RPRD1A: variants seen among roughly 807,000 people sequenced by gnomAD.
The protein encoded by RPRD1A is regulation of nuclear pre-mRNA domain containing 1A, also known as regulation of nuclear pre-mRNA domain-containing protein 1A.
In RPRD1A, 9 loss-of-function variants were observed where a neutral mutation model predicts 37.8. The observed-to-expected ratio is 0.24, with a 90% confidence interval of 0.14 to 0.42. The LOEUF is 0.42. Among genes scored for constraint, RPRD1A ranks in the 10% least tolerant of loss-of-function variants. RPRD1A has a pLI of 1.00. For synonymous variants in RPRD1A, 138 were observed against 139.7 expected, an observed-to-expected ratio of 0.99 and a Z score of 0.08; for missense variants, 255 against 371.0, an observed-to-expected ratio of 0.69 and a Z score of 2.57.
At chr18:36,055,422 C>G (rs888902145) in intron 1 of RPRD1A, among the ~76,000 whole-genome samples, 9 of 152,040 alleles carry the variant, frequency 5.9e-5, no homozygotes, top group African/African-American at 1.9e-4. Context: ...TTAGCCTGTA[C>G]GAGAATCAAG....
At chr18:36,065,507 G>A (rs566902043) in intron 1 of RPRD1A, among the ~76,000 whole-genome samples, 1 of 152,178 alleles carries the variant, frequency 6.6e-6, no homozygotes, top group East Asian at 1.9e-4. Context: ...TGTTGCACAG[G>A]CAGGGTCTCA....
At chr18:35,998,499 C>G (rs934769752) in intron 6 of RPRD1A, among the ~76,000 whole-genome samples, 1 of 152,198 alleles carries the variant, frequency 6.6e-6, no homozygotes, top group Non-Finnish European at 1.5e-5. Flanking sequence ...CCGTTTTCCT[C>G]ATTCAACAAG....
At chr18:36,061,293 T>G (rs897145486) in intron 1 of RPRD1A, among the ~76,000 whole-genome samples, 2 of 152,242 alleles carry the variant, frequency 1.3e-5, no homozygotes, top group African/African-American at 4.8e-5. Flanking sequence ...TCCCTTTGTT[T>G]TCTTTACCAT....
intron 4 of RPRD1A, 22 bp downstream of exon 4, chr18:36,030,784 CTT>C: frequency 2.0e-6 from 3 of 1,465,048 alleles, no homozygotes; most frequent in Non-Finnish European, 2.8e-6. Flanking sequence ...GTTTGTAACT[CTT>C]TTAACAGGGT....
chr18:36,043,240 A>AT (rs1312132897), intron 1 of RPRD1A, among the ~76,000 whole-genome samples: 1 of 151,258 alleles, frequency 6.6e-6, no homozygotes, highest in African/African-American at 2.4e-5. Context: ...GAATTAAGTT[A>AT]TAAAAGAGAA....
Position 35,990,885 on chromosome 18 carries a change from T to C in RPRD1A, c.*2266A>G, listed in dbSNP as rs998962145. Reference sequence around the variant, plus strand: ...ATGACTTCTAAATCAGACTGTATTGTCTGTGTTCAGTTAATACGTTAACCA... The same window carrying C: ...ATGACTTCTAAATCAGACTGTATTGCCTGTGTTCAGTTAATACGTTAACCA... On this transcript the variant is annotated 3_prime_UTR_variant, in exon 7 of 7. Coordinates refer to ENST00000399022, the MANE Select transcript of RPRD1A (RefSeq NM_018170.5). 2.0e-5 allele frequency: 3 copies of C among 152,232 alleles called. No homozygotes were observed. Among genetic ancestry groups the C allele is most frequent in the Non-Finnish European group, 4.4e-5 (3 of 68,040 alleles). The allele number at this position is 152,232 out of a possible 1,614,324, so 9.4% of individuals were successfully genotyped here.
intron 6 of RPRD1A, among the ~76,000 whole-genome samples, chr18:36,014,524 G>A (rs1171978058): frequency 6.6e-6 from 1 of 152,210 alleles, no homozygotes; most frequent in Admixed American, 6.5e-5. Flanking sequence ...GGATCACGAG[G>A]TCAGGAGATC....
intron 1 of RPRD1A, chr18:36,063,146 T>C (rs1313637149): frequency 2.0e-5 from 3 of 152,200 alleles, no homozygotes; most frequent in Non-Finnish European, 2.9e-5. Context: ...GCTACCATTA[T>C]CTAACATATA....
chr18:35,997,074 C>T (rs1014164599), intron 6 of RPRD1A, among the ~76,000 whole-genome samples: 25 of 145,016 alleles, frequency 1.7e-4, no homozygotes, highest in African/African-American at 6.2e-4. Flanking sequence ...TTATTTTAAA[C>T]TATATAGAAT....
At chr18:36,031,265 T>C (rs1911770029) in intron 2 of RPRD1A, among the ~76,000 whole-genome samples, 168 bp from the exon 3 acceptor site, 1 of 152,212 alleles carries the variant, frequency 6.6e-6, no homozygotes, top group South Asian at 2.1e-4. Context: ...AAAAGTGAAG[T>C]GATCTAGACA....
intron 6 of RPRD1A, among the ~76,000 whole-genome samples, chr18:35,994,424 ACAT>A (rs1908900719): frequency 2.0e-5 from 3 of 152,252 alleles, no homozygotes; most frequent in African/African-American, 2.4e-5. Context: ...TTTAAAAACT[ACAT>A]TATATGTAAA....
intron 1 of RPRD1A, among the ~76,000 whole-genome samples, chr18:36,055,698 G>C (rs944475564): frequency 5.9e-5 from 9 of 152,046 alleles, no homozygotes; most frequent in Non-Finnish European, 1.0e-4. Context: ...ATTGATTCTA[G>C]AATTTATATA....
intron 1 of RPRD1A, among the ~76,000 whole-genome samples, chr18:36,057,733 C>T (rs1913894128): frequency 6.6e-6 from 1 of 152,204 alleles, no homozygotes; most frequent in South Asian, 2.1e-4. Context: ...CTACATAACA[C>T]CACATTCAAA....
At chr18:36,034,985 C>G (rs1046353336) in intron 1 of RPRD1A, among the ~76,000 whole-genome samples, 2 of 152,160 alleles carry the variant, frequency 1.3e-5, no homozygotes, top group Non-Finnish European at 2.9e-5. Flanking sequence ...AAATTGCTGT[C>G]TACCACTTTT....
intron 1 of RPRD1A, among the ~76,000 whole-genome samples, chr18:36,048,854 T>A (rs890863620): frequency 6.6e-6 from 1 of 152,156 alleles, no homozygotes; most frequent in Non-Finnish European, 1.5e-5. Context: ...TATTTGCAGA[T>A]GACATGATTA....
intron 6 of RPRD1A, chr18:36,026,120 T>C (rs1911349489): frequency 6.4e-6 from 1 of 155,214 alleles, no homozygotes; most frequent in Non-Finnish European, 1.4e-5. Flanking sequence ...CTAATAAAAA[T>C]AACTTAATGG....
At position 36,024,478 on chromosome 18, in the gene RPRD1A, A is replaced by C. The variant is rs150770302; in HGVS notation, c.789+2422T>G. Among the ~76,000 whole-genome samples the C allele has an allele frequency of 2.1e-3, 326 of 152,256 alleles. 8 individuals carry two copies. The East Asian group carries it at 0.046, about 22-fold the overall frequency. ...GCCCAACAGTTATCTGCTTCTGCTT[A>C]GTAACCAACTATAGTCAGAAGTTTC... On this transcript the variant is annotated intron_variant, in intron 6 of 6. Transcript: ENST00000399022.
chr18:36,017,385 A>G (rs563766747), intron 6 of RPRD1A, among the ~76,000 whole-genome samples: 55 of 152,278 alleles, frequency 3.6e-4, no homozygotes, highest in African/African-American at 1.3e-3. Context: ...ATTAAGTTGC[A>G]TCTGGTCTCC....
intron 1 of RPRD1A, among the ~76,000 whole-genome samples, chr18:36,066,914 TCTCC>T (rs2089042189): frequency 6.6e-6 from 1 of 152,022 alleles, no homozygotes; most frequent in African/African-American, 2.4e-5. Flanking sequence ...TCCCCTACCT[TCTCC>T]CTCCCTTATC....
Sources: allele counts gnomAD v4.1 joint callset (sites outside exome capture counted in the v4.1 genomes callset), GRCh38; gene constraint gnomAD v4.1.1; transcripts MANE v1.5; gene names NCBI Gene and HGNC (gene_info 2026-07-23, HGNC 2026-07-21).